CKAP5: variants seen among roughly 807,000 people sequenced by gnomAD.
CKAP5 encodes the protein cytoskeleton associated protein 5, also known as cytoskeleton-associated protein 5.
Under a neutral mutation model 232.8 loss-of-function variants are expected in CKAP5, and 27 were observed. That is an observed-to-expected ratio of 0.12 (90% CI 0.09 to 0.16). The LOEUF (loss-of-function observed/expected upper bound fraction) is 0.16. CKAP5 is among the 10% of genes least tolerant of loss of function. The pLI is 1.00. For missense variants in CKAP5, 1,838 were observed against 2,424.7 expected (o/e 0.76, Z 5.08); for synonymous variants, 785 against 841.1 (o/e 0.93, Z 1.16).
At chr11:46,818,849 C>T (rs560411035) in intron 2 of CKAP5, among the ~76,000 whole-genome samples, 9 of 152,190 alleles carry the variant, frequency 5.9e-5, no homozygotes, top group Admixed American at 5.2e-4. Context: ...GATGAAACTG[C>T]CCCGTCTCCA....
intron 42 of CKAP5, among the ~76,000 whole-genome samples, chr11:46,746,249 AG>A (rs953399552): frequency 6.6e-6 from 1 of 152,208 alleles, no homozygotes; most frequent in Non-Finnish European, 1.5e-5. Flanking sequence ...TCTTGGTTTA[AG>A]GCTCATGATA....
intron 1 of CKAP5, among the ~76,000 whole-genome samples, chr11:46,838,615 T>C (rs1449827509): frequency 1.7e-5 from 1 of 59,902 alleles, no homozygotes; most frequent in African/African-American, 7.3e-5. Flanking sequence ...ACCTTGCCTC[T>C]TCAAAAAAAA....
At chr11:46,819,196 T>G (rs1939471756) in intron 2 of CKAP5, among the ~76,000 whole-genome samples, 1 of 152,108 alleles carries the variant, frequency 6.6e-6, no homozygotes, top group South Asian at 2.1e-4. Flanking sequence ...TGAGAAATGG[T>G]AATTGAGCTG....
chr11:46,749,005 T>C (rs2065042641), intron 42 of CKAP5, among the ~76,000 whole-genome samples: 1 of 151,350 alleles, frequency 6.6e-6, no homozygotes, highest in Non-Finnish European at 1.5e-5. Context: ...CTAATTTTTG[T>C]ATTTTTAGTA....
chr11:46,806,457 T>C (rs1939157954), intron 8 of CKAP5, among the ~76,000 whole-genome samples: 1 of 152,238 alleles, frequency 6.6e-6, no homozygotes, highest in African/African-American at 2.4e-5. Flanking sequence ...CATATGCCAC[T>C]GGAACCTGAC....
At chr11:46,831,531 C>T (rs10769209) in intron 1 of CKAP5, among the ~76,000 whole-genome samples, 151,767 of 152,314 alleles carry the variant, frequency 1, 75,610 homozygotes, top group Middle Eastern at 1. Context: ...AGAAGTCTTT[C>T]TGTTTTTTGT....
chr11:46,753,646 G>A (rs953714410), intron 36 of CKAP5, 149 bp from the exon 37 acceptor site: 13 of 570,304 alleles, frequency 2.3e-5, no homozygotes, highest in African/African-American at 2.2e-4. Context: ...AGTGCCAGTG[G>A]CGTGATCTTG....
intron 36 of CKAP5, among the ~76,000 whole-genome samples, chr11:46,754,482 T>C (rs772049536): frequency 6.6e-6 from 1 of 152,218 alleles, no homozygotes; most frequent in Non-Finnish European, 1.5e-5. Context: ...ATTTTTTCCC[T>C]TTTATTTTTA....
intron 2 of CKAP5, among the ~76,000 whole-genome samples, chr11:46,819,709 G>A (rs1939484491): frequency 1.3e-5 from 2 of 151,938 alleles, no homozygotes; most frequent in South Asian, 2.1e-4. Context: ...TTTGGGGCAG[G>A]TGCTATGCTC....
chr11:46,825,337 C>A (rs1018176460), intron 1 of CKAP5, among the ~76,000 whole-genome samples: 1 of 152,192 alleles, frequency 6.6e-6, no homozygotes, highest in African/African-American at 2.4e-5. Context: ...GAGATTAAGT[C>A]ATGAGTAATA....
Position 46,780,253 on chromosome 11 carries a change from T to G in CKAP5, c.2374A>C (p.Met792Leu). The change falls in exon 20 of 44, where the codon ATG (methionine) becomes CTG (leucine). Residue 792 changes from methionine to leucine, a missense_variant. Physicochemically the swap from Met to Leu is conservative, Grantham distance 15. Transcript: ENST00000529230. ...MYLYVGPSLR[M>L]FFEDEKPALL... ...GCAGGCTTCTCATCCTCAAAGAACA[T>G]TCGCAAAGAGGGACCAACATACAGA... 6.2e-7 allele frequency: 1 copy of G among 1,614,004 alleles called. No individual in the cohort carries two copies. Among genetic ancestry groups the G allele is most frequent in the African/African-American group, 1.3e-5 (1 of 75,030 alleles).
chr11:46,824,934 A>G (rs539350990), intron 1 of CKAP5, among the ~76,000 whole-genome samples: 1 of 152,330 alleles, frequency 6.6e-6, no homozygotes, highest in East Asian at 1.9e-4. Context: ...ACATATTCAG[A>G]AATTTCAATT....
chr11:46,802,090 C>CT (rs1267306831), intron 8 of CKAP5: 1 of 152,158 alleles, frequency 6.6e-6, no homozygotes, highest in African/African-American at 2.4e-5. Flanking sequence ...ATTGTGAATG[C>CT]TACTGCATTC....
chr11:46,776,494 T>G (rs2065292417), intron 23 of CKAP5, 111 bp from the exon 24 acceptor site: 1 of 701,044 alleles, frequency 1.4e-6, no homozygotes, highest in African/African-American at 1.8e-5. Flanking sequence ...AAGGCCCACA[T>G]GAACATACAT....
chr11:46,752,189 TATATACACACACACACAC>T (rs2065071326), intron 38 of CKAP5, among the ~76,000 whole-genome samples: 1 of 64,356 alleles, frequency 1.6e-5, no homozygotes, highest in South Asian at 5.4e-4. Flanking sequence ...TATATATATA[TATATACACACACACACAC>T]ACACACACAC....
At chr11:46,811,528 G>C (rs976475197) in intron 4 of CKAP5, among the ~76,000 whole-genome samples, 1 of 152,098 alleles carries the variant, frequency 6.6e-6, no homozygotes, top group African/African-American at 2.4e-5. Flanking sequence ...CCAGGCTAGA[G>C]TGGTATGGCA....
At chr11:46,823,318 G>C (rs1939585768) in intron 1 of CKAP5, among the ~76,000 whole-genome samples, 1 of 151,762 alleles carries the variant, frequency 6.6e-6, no homozygotes, top group Non-Finnish European at 1.5e-5. Context: ...AGTAACTACA[G>C]AAAAAAATCT....
At chr11:46,787,742 T>C (rs1349135040) in intron 16 of CKAP5, among the ~76,000 whole-genome samples, 1 of 152,236 alleles carries the variant, frequency 6.6e-6, no homozygotes, top group East Asian at 1.9e-4. Flanking sequence ...TATATATGGA[T>C]GTATACATAT....
At chr11:46,817,641 T>C (rs1290107766) in intron 3 of CKAP5, among the ~76,000 whole-genome samples, 1 of 152,206 alleles carries the variant, frequency 6.6e-6, no homozygotes, top group Non-Finnish European at 1.5e-5. Context: ...GTCAAGTATA[T>C]ATTTCTTGTG....
Sources: allele counts gnomAD v4.1 joint callset (sites outside exome capture counted in the v4.1 genomes callset), GRCh38; gene constraint gnomAD v4.1.1; transcripts MANE v1.5; gene names NCBI Gene and HGNC (gene_info 2026-07-23, HGNC 2026-07-21).